Variants in LINGO2 observed in about 807,000 individuals in gnomAD.
The protein encoded by LINGO2 is leucine rich repeat and Ig domain containing 2.
In LINGO2, 14 loss-of-function variants were observed where a neutral mutation model predicts 30.6. That is an observed-to-expected ratio of 0.46 (90% CI 0.30 to 0.72). LINGO2 has a LOEUF of 0.72. Among genes scored for constraint, LINGO2 ranks in the 30% least tolerant of loss-of-function variants. The pLI is 0.07. For missense variants in LINGO2, 729 were observed against 751.7 expected, an observed-to-expected ratio of 0.97 and a Z score of 0.35; for synonymous variants, 317 against 288.5, an observed-to-expected ratio of 1.10 and a Z score of -1.00.
the LINGO2 span, chr9:27,941,035 A>ACCTTACTATCCATCAAAAGGGGATGGAT: frequency 6.6e-6 from 1 of 152,060 alleles, no homozygotes; most frequent in Admixed American, 6.6e-5. Context: ...TACTAGCATA[A>ACCTTACTATCCATCAAAAGGGGATGGAT]AATAAAAGCC....
chr9:28,898,054 A>C, the LINGO2 span, among the ~76,000 whole-genome samples: 1 of 152,144 alleles, frequency 6.6e-6, no homozygotes, highest in South Asian at 2.1e-4. Flanking sequence ...AGGAAGAATA[A>C]AAGTAGTGAC....
At chr9:29,068,302 A>T in the LINGO2 span, among the ~76,000 whole-genome samples, 1 of 98,130 alleles carries the variant, frequency 1.0e-5, no homozygotes, top group East Asian at 2.6e-4. Flanking sequence ...TATACCATTA[A>T]TTTTGAGATA....
intron 4 of LINGO2, among the ~76,000 whole-genome samples, chr9:28,232,290 T>C (rs1193590589): frequency 2.6e-5 from 4 of 151,842 alleles, no homozygotes; most frequent in African/African-American, 9.7e-5. Context: ...TTTCAGCTAC[T>C]CGAGAAGCTG....
At chr9:28,937,858 G>T in the LINGO2 span, among the ~76,000 whole-genome samples, 1 of 152,034 alleles carries the variant, frequency 6.6e-6, no homozygotes, top group African/African-American at 2.4e-5. Flanking sequence ...TAACATGGGG[G>T]TTTGTTGTAC....
rs952645231 is a variant in LINGO2, at chr9:28,390,754, T to G, written c.-278-17886A>C. ...AAAGCTATTCAATGTAGACATAAAT[T>G]CAAAGCAATTTGGTTTCTTCAGAGC... On this transcript the variant is annotated intron_variant, in intron 2 of 5. Transcript: ENST00000379992. Among the ~76,000 whole-genome samples the G allele has an allele frequency of 2.0e-5, 3 of 152,248 alleles. No homozygotes were observed. The East Asian group carries it at 5.8e-4, about 29-fold the overall frequency.
At chr9:28,575,440 A>C (rs1374076074) in intron 1 of LINGO2, among the ~76,000 whole-genome samples, 5 of 151,840 alleles carry the variant, frequency 3.3e-5, no homozygotes, top group Admixed American at 6.6e-5. Flanking sequence ...CACAAAAAAA[A>C]CCACGTTTTC....
At chr9:27,946,345 C>A (rs755111046), downstream of LINGO2, among the ~76,000 whole-genome samples, 2 of 152,080 alleles carry the variant, frequency 1.3e-5, no homozygotes, top group Non-Finnish European at 2.9e-5. Context: ...TTCCATAGAT[C>A]AGAGTATGGG....
At position 28,034,914 on chromosome 9, in the gene LINGO2, G is replaced by C. The variant is rs1563930346; in HGVS notation, c.-86-22509C>G. ...GTTAGCAATTGCTAATAAAGTGTGA[G>C]TTGCAGATTTTGAGTGTATAGAGTA... On this transcript the variant is annotated intron_variant, in intron 4 of 5. Transcript: ENST00000379992. Among the ~76,000 whole-genome samples, 3 of 152,276 alleles carry C rather than the reference G, an allele frequency of 2.0e-5. No homozygotes were observed. In the East Asian group the frequency reaches 5.8e-4, roughly 29 times the overall value.
At chr9:28,826,329 T>C in the LINGO2 span, among the ~76,000 whole-genome samples, 5 of 152,148 alleles carry the variant, frequency 3.3e-5, no homozygotes, top group African/African-American at 1.2e-4. Flanking sequence ...TGAGTTATTA[T>C]ATCTCTTACT....
the LINGO2 span, among the ~76,000 whole-genome samples, chr9:28,764,516 A>T: frequency 6.6e-6 from 1 of 151,954 alleles, no homozygotes; most frequent in Non-Finnish European, 1.5e-5. Flanking sequence ...AGCACAGTAA[A>T]GGCCATATCT....
At chr9:29,084,563 G>A in the LINGO2 span, among the ~76,000 whole-genome samples, 1 of 151,914 alleles carries the variant, frequency 6.6e-6, no homozygotes, top group African/African-American at 2.4e-5. Flanking sequence ...ATCATTCAGG[G>A]ATTTTAAGCA....
chr9:28,542,462 T>C (rs1416453845), intron 1 of LINGO2, among the ~76,000 whole-genome samples: 1 of 152,044 alleles, frequency 6.6e-6, no homozygotes, highest in Admixed American at 6.6e-5. Flanking sequence ...ATGATTATTG[T>C]AGTGAATTGC....
At chr9:28,900,592 G>C in the LINGO2 span, among the ~76,000 whole-genome samples, 1 of 152,190 alleles carries the variant, frequency 6.6e-6, no homozygotes, top group Non-Finnish European at 1.5e-5. Flanking sequence ...TACTGGGCCA[G>C]CCTGCCTGAT....
chr9:28,737,349 A>T, the LINGO2 span, among the ~76,000 whole-genome samples: 1 of 152,206 alleles, frequency 6.6e-6, no homozygotes, highest in Non-Finnish European at 1.5e-5. Context: ...ACAAGGAGCA[A>T]AAACAAGTCA....
the LINGO2 span, among the ~76,000 whole-genome samples, chr9:28,994,574 C>CA: frequency 2.7e-5 from 4 of 150,818 alleles, no homozygotes; most frequent in Admixed American, 2.6e-4. Context: ...AATCCTAAGC[C>CA]AAAAGAACAA....
At chr9:28,198,535 A>C (rs1249312554) in intron 4 of LINGO2, among the ~76,000 whole-genome samples, 2 of 152,178 alleles carry the variant, frequency 1.3e-5, no homozygotes, top group East Asian at 3.9e-4. Flanking sequence ...TTCATTTAGA[A>C]CTTATTTTGC....
At position 28,577,024 on chromosome 9, in the gene LINGO2, G is replaced by A. The variant is rs577018652; in HGVS notation, c.-365+93176C>T. ...CCATCTTGCCTTTAACCCCCAAACT[G>A]CCCCTGGTCATTCCTGGGCTTGGGC... On this transcript the variant is annotated intron_variant, in intron 1 of 5. Coordinates refer to ENST00000379992, the Ensembl canonical transcript of LINGO2. 3.9e-5 allele frequency among the ~76,000 whole-genome samples: 6 copies of A among 152,220 alleles called. No homozygotes were observed. The East Asian group carries it at 1.2e-3, about 29-fold the overall frequency.
At chr9:29,105,283 T>C in the LINGO2 span, among the ~76,000 whole-genome samples, 2,633 of 152,268 alleles carry the variant, frequency 0.017, 81 homozygotes, top group African/African-American at 0.061. Flanking sequence ...ATAATTTAAA[T>C]TGTCACGTCA....
At chr9:28,646,364 C>T (rs1385476060) in intron 1 of LINGO2, among the ~76,000 whole-genome samples, 7 of 152,092 alleles carry the variant, frequency 4.6e-5, no homozygotes, top group African/African-American at 1.7e-4. Flanking sequence ...ACACACATCA[C>T]GGCTAAAGCT....
Sources: allele counts gnomAD v4.1 joint callset (sites outside exome capture counted in the v4.1 genomes callset), GRCh38; gene constraint gnomAD v4.1.1; transcripts MANE v1.5; gene names NCBI Gene and HGNC (gene_info 2026-07-23, HGNC 2026-07-21).